The following TAF1A variants were observed in gnomAD, a reference collection of about 807,000 sequenced individuals.
TAF1A encodes TATA-box binding protein associated factor, RNA polymerase I subunit A.
A neutral mutation model predicts 61.6 loss-of-function variants in TAF1A; 42 were observed. The observed-to-expected ratio is 0.68, with a 90% CI of 0.53 to 0.88. The LOEUF (loss-of-function observed/expected upper bound fraction) is 0.88. Ranked by LOEUF, TAF1A falls within the 40% of genes least tolerant of loss-of-function variation. The probability of loss-of-function intolerance (pLI) is 0.00; values close to 1 mark genes in which losing one functional copy is unlikely to be tolerated. For missense variants in TAF1A, 424 were observed against 518.7 expected (o/e 0.82, Z 1.77); for synonymous variants, 179 against 177.7 (o/e 1.01, Z -0.06).
chr1:222,588,669 A>T lies in TAF1A; in HGVS notation c.-2-104T>A, dbSNP rs1435804267. 3 of 1,240,326 alleles carry T rather than the reference A, an allele frequency of 2.4e-6. No individual in the cohort carries two copies. The East Asian group carries it at 7.5e-5, about 31-fold the overall frequency. The allele number at this position is 1,240,326 out of a possible 1,614,324, so 76.8% of individuals were successfully genotyped here. Reference sequence around the variant, plus strand: ...CTTTTTATCTAATAAATATAATTTGATTAGCAAAATGCATTATACCTGTCA... The same window carrying T: ...CTTTTTATCTAATAAATATAATTTGTTTAGCAAAATGCATTATACCTGTCA... On this transcript the variant is annotated intron_variant, in intron 1 of 10. Coordinates refer to ENST00000352967, the MANE Select transcript of TAF1A (RefSeq NM_005681.4).
chr1:222,576,482 C>T (rs960512724), intron 5 of TAF1A, among the ~76,000 whole-genome samples: 1 of 152,212 alleles, frequency 6.6e-6, no homozygotes. Context: ...AGGTTAATCT[C>T]GAGGATTATC....
At position 222,577,475 on chromosome 1, in the gene TAF1A, A is replaced by G; in HGVS notation, c.574T>C (p.Ser192Pro). 6.2e-7 allele frequency: 1 copy of G among 1,613,878 alleles called. No individual in the cohort carries two copies. Among genetic ancestry groups the G allele is most frequent in the Non-Finnish European group, 8.5e-7 (1 of 1,179,858 alleles). ...TTTGACAATTCCATCTTCTTTTCAG[A>G]CCAGGTATAATACTGTAAAAGCCCT... Reference protein sequence around the residue: ...YKGLLQYYTWSEKKMELSKLD... With the variant: ...YKGLLQYYTWPEKKMELSKLD... Residue 192 changes from serine (S) to proline (P), a missense_variant, in exon 5 of 11, where the codon TCT (serine) becomes CCT (proline). Physicochemically the swap from Ser to Pro is moderately conservative, Grantham distance 74 (BLOSUM62 -1). Transcript: ENST00000352967.
At position 222,585,455 on chromosome 1, in the gene TAF1A, TA is replaced by T. The variant is rs199512248; in HGVS notation, c.122-1159del. Among the ~76,000 whole-genome samples, 1,074 of 137,526 alleles carry T rather than the reference TA, an allele frequency of 7.8e-3. 17 individuals carry two copies. Among genetic ancestry groups the T allele is most frequent in the East Asian group, 0.071 (344 of 4,838 alleles). 90.2% of individuals were successfully genotyped at this position (137,526 alleles called of 152,430 possible). On this transcript the variant is annotated intron_variant, in intron 2 of 10. Transcript: ENST00000352967. ...GGGGAAAAGTTTTAGATAACTTTAT[TA>T]AAAAAAAAAAAAAAAGAGTCTTGCT... is the stretch of plus-strand genomic sequence containing the variant.
At chr1:222,587,433 A>T (rs1051594390) in intron 2 of TAF1A, among the ~76,000 whole-genome samples, 3 of 152,196 alleles carry the variant, frequency 2.0e-5, no homozygotes, top group African/African-American at 7.2e-5. Flanking sequence ...AAATGGGATG[A>T]TACTTAGATC....
chr1:222,571,409 A>T (rs1660345278), intron 5 of TAF1A, among the ~76,000 whole-genome samples: 1 of 152,140 alleles, frequency 6.6e-6, no homozygotes, highest in Non-Finnish European at 1.5e-5. Flanking sequence ...TAACAAAAAG[A>T]TATCCAAGAT....
intron 5 of TAF1A, among the ~76,000 whole-genome samples, chr1:222,573,435 G>A (rs1034410739): frequency 2.0e-5 from 3 of 152,098 alleles, no homozygotes; most frequent in Non-Finnish European, 1.5e-5. Flanking sequence ...ATTAAAATAT[G>A]AGCAAAAGAT....
At chr1:222,565,909 G>C (rs1660098402) in intron 7 of TAF1A, among the ~76,000 whole-genome samples, 1 of 152,158 alleles carries the variant, frequency 6.6e-6, no homozygotes, top group African/African-American at 2.4e-5. Flanking sequence ...AACAAAGCCT[G>C]TTGAAAAATT....
At position 222,558,737 on chromosome 1, in the gene TAF1A, G is replaced by A. The variant is rs1170887374; in HGVS notation, c.1276C>T (p.His426Tyr). The change falls in exon 11 of 11, where the codon CAC becomes TAC. Residue 426 changes from histidine to tyrosine, a missense_variant. By Grantham distance (83) the His-to-Tyr change is moderately conservative. Transcript: ENST00000352967. ...RYFRYILKQDHQILGKKIKRM... is the reference protein window; with the variant it reads ...RYFRYILKQDYQILGKKIKRM... ...TTAATTTTCTTCCCTAAGATTTGGTGATCTTGCTTTAAAATATACCGGAAA... is the reference window on the plus strand; with the variant it reads ...TTAATTTTCTTCCCTAAGATTTGGTAATCTTGCTTTAAAATATACCGGAAA... The A allele has an allele frequency of 6.4e-7, 1 of 1,554,118 alleles. No homozygotes were observed. Among genetic ancestry groups the A allele is most frequent in the African/African-American group, 1.4e-5 (1 of 73,504 alleles).
At chr1:222,560,398 C>T (rs1335381099) in intron 10 of TAF1A, among the ~76,000 whole-genome samples, 3 of 152,060 alleles carry the variant, frequency 2.0e-5, no homozygotes, top group African/African-American at 7.2e-5. Flanking sequence ...GTTACAATGC[C>T]CACTTCATAG....
At chr1:222,575,020 T>C (rs924575985) in intron 5 of TAF1A, among the ~76,000 whole-genome samples, 2 of 152,152 alleles carry the variant, frequency 1.3e-5, no homozygotes, top group Admixed American at 1.3e-4. Context: ...TTTTATATGC[T>C]TTTTCTGTAT....
intron 1 of TAF1A, among the ~76,000 whole-genome samples, chr1:222,589,076 G>A (rs369360421): frequency 6.6e-6 from 1 of 152,152 alleles, no homozygotes; most frequent in African/African-American, 2.4e-5. Flanking sequence ...TGGTGAGGAC[G>A]ATAGTCTAGG....
intron 2 of TAF1A, among the ~76,000 whole-genome samples, chr1:222,587,507 T>A (rs1440054321): frequency 6.6e-6 from 1 of 152,126 alleles, no homozygotes; most frequent in African/African-American, 2.4e-5. Flanking sequence ...GAGAAAAGGC[T>A]GGGCAAAAAA....
At chr1:222,559,627 T>C (rs1320634221) in intron 10 of TAF1A, among the ~76,000 whole-genome samples, 1 of 152,188 alleles carries the variant, frequency 6.6e-6, no homozygotes, top group Non-Finnish European at 1.5e-5. Context: ...GTACCTATAG[T>C]AACCATTTTT....
downstream of TAF1A, among the ~76,000 whole-genome samples, chr1:222,557,505 C>T (rs1052833864): frequency 1.4e-4 from 22 of 152,126 alleles, no homozygotes; most frequent in Non-Finnish European, 8.8e-5. Context: ...GGCTGGAGTG[C>T]AGTGACATGA....
intron 7 of TAF1A, among the ~76,000 whole-genome samples, chr1:222,564,472 A>G (rs1245889965): frequency 6.6e-6 from 1 of 152,126 alleles, no homozygotes; most frequent in Non-Finnish European, 1.5e-5. Flanking sequence ...GACTGAAGAA[A>G]AAAAGAAAAA....
chr1:222,558,700 C>T lies in TAF1A; in HGVS notation c.1313G>A (p.Arg438Lys), dbSNP rs1486470132. Residue 438 changes from arginine (R) to lysine (K), a missense_variant, in exon 11 of 11, where the codon AGA becomes AAA. By Grantham distance (26) the Arg-to-Lys change is conservative. Transcript: ENST00000352967. The part of the protein sequence containing the change: ...ILGKKIKRMK[R>K]SVKKYSIVNP... ...TACAATACTGTATTTTTTCACAGAT[C>T]TCTTCATCCGCTTAATTTTCTTCCC... 6.3e-7 allele frequency: 1 copy of T among 1,575,714 alleles called. No individual in the cohort carries two copies. The highest frequency in any genetic ancestry group is 2.3e-5 in the East Asian group (1 of 44,142).
intron 3 of TAF1A, among the ~76,000 whole-genome samples, chr1:222,583,171 C>T (rs1188839906): frequency 1.3e-5 from 2 of 151,988 alleles, no homozygotes; most frequent in Non-Finnish European, 2.9e-5. Context: ...GGCAACAGAG[C>T]AAGACTCCGT....
chr1:222,561,451 T>C lies in TAF1A; in HGVS notation c.1153A>G (p.Ser385Gly). The C allele has an allele frequency of 6.2e-7, 1 of 1,613,188 alleles. No individual in the cohort carries two copies. The highest frequency in any genetic ancestry group is 8.5e-7 in the Non-Finnish European group (1 of 1,179,516). ...CAATCACTTTTTGCCCAAAAGTAGC[T>C]GAAATGAAAGCCTGGCCACCAGTTT... is the stretch of plus-strand genomic sequence containing the variant. Reference protein sequence around the residue: ...RKNWWPGFHFSYFWAKSDWKE... With the variant: ...RKNWWPGFHFGYFWAKSDWKE... The change falls in exon 10 of 11, where the codon AGC becomes GGC. Residue 385 changes from serine (S) to glycine (G), a missense_variant. By Grantham distance (56) the Ser-to-Gly change is moderately conservative. Coordinates refer to ENST00000352967, the MANE Select transcript of TAF1A (RefSeq NM_005681.4).
Position 222,579,873 on chromosome 1 carries a change from C to A in TAF1A, c.292-1G>T. The stretch of plus-strand genomic sequence containing the variant: ...TTTCACTTCCGAGCTTCCAAATAAT[C>A]TGTCAAAGCAGAAATTACTGCCAAA... On this transcript the variant is annotated splice_acceptor_variant, in intron 3 of 10. Coordinates refer to ENST00000352967, the MANE Select transcript of TAF1A (RefSeq NM_005681.4). LOFTEE classifies it high-confidence loss of function. 1.3e-6 allele frequency: 2 copies of A among 1,597,002 alleles called. No homozygotes were observed. Among genetic ancestry groups the A allele is most frequent in the Non-Finnish European group, 1.7e-6 (2 of 1,175,352 alleles).
Sources: allele counts gnomAD v4.1 joint callset (sites outside exome capture counted in the v4.1 genomes callset), GRCh38; gene constraint gnomAD v4.1.1; transcripts MANE v1.5; gene names NCBI Gene and HGNC (gene_info 2026-07-23, HGNC 2026-07-21).